The following ANK3 variants were observed in gnomAD, a reference collection of about 807,000 sequenced individuals.
The protein encoded by ANK3 is ankyrin 3, also known as ankyrin-3.
In ANK3, 57 loss-of-function variants were observed where a neutral mutation model predicts 370.9. The observed-to-expected ratio is 0.15, with a 90% CI of 0.12 to 0.19. The LOEUF (loss-of-function observed/expected upper bound fraction) is 0.19. Among genes scored for constraint, ANK3 ranks in the 10% least tolerant of loss-of-function variants. The pLI, the probability that ANK3 is intolerant of heterozygous loss-of-function variation, is 1.00. For synonymous variants in ANK3, 1,929 were observed against 1,946.3 expected, an observed-to-expected ratio of 0.99 and a Z score of 0.23; for missense variants, 4,439 against 5,302.1, an observed-to-expected ratio of 0.84 and a Z score of 5.06.
intron 1 of ANK3, among the ~76,000 whole-genome samples, chr10:60,662,340 A>ATAGTAC (rs2078945482): frequency 6.6e-6 from 1 of 152,200 alleles, no homozygotes; most frequent in Admixed American, 6.5e-5. Context: ...GTACTAAAAA[A>ATAGTAC]TAAAAAAGAC....
chr10:60,036,767 T>C, intron 43 of ANK3, among the ~76,000 whole-genome samples: 1 of 152,108 alleles, frequency 6.6e-6, no homozygotes, highest in Middle Eastern at 3.2e-3. Context: ...GAAATGTTGC[T>C]TTTGAGGACT....
intron 1 of ANK3, among the ~76,000 whole-genome samples, chr10:60,647,708 A>G (rs547307830): frequency 1.3e-5 from 2 of 152,320 alleles, no homozygotes; most frequent in African/African-American, 2.4e-5. Flanking sequence ...CATAGATATC[A>G]GTTGCACAAG....
chr10:60,088,378 A>G lies in ANK3; in HGVS notation c.3329-20T>C, dbSNP rs1392344435. 6.2e-7 allele frequency: 1 copy of G among 1,602,582 alleles called. No individual in the cohort carries two copies. The highest frequency in any genetic ancestry group is 2.2e-5 in the East Asian group (1 of 44,786). ...CAAGTTCTGAAAAGACAAATGAAAG[A>G]AAATGCCATGAGAATAAGCATATCT... On this transcript the variant is annotated intron_variant, in intron 28 of 43. Transcript: ENST00000280772.
chr10:60,531,066 C>T (rs183941027), intron 2 of ANK3, among the ~76,000 whole-genome samples: 198 of 152,200 alleles, frequency 1.3e-3, no homozygotes, highest in African/African-American at 4.6e-3. Flanking sequence ...GTTCAGAAAT[C>T]GATCTCTTCA....
chr10:60,249,134 A>G (rs2097603401), intron 7 of ANK3, among the ~76,000 whole-genome samples: 1 of 152,210 alleles, frequency 6.6e-6, no homozygotes, highest in African/African-American at 2.4e-5. Context: ...AGCCCCTCCC[A>G]GCTAGAAAGA....
chr10:60,438,714 A>G (rs2064219337), intron 2 of ANK3, among the ~76,000 whole-genome samples: 1 of 152,354 alleles, frequency 6.6e-6, no homozygotes, highest in African/African-American at 2.4e-5. Flanking sequence ...GTAATGACAT[A>G]AGGAAGGGAC....
At chr10:60,398,324 C>T (rs2132895366) in intron 2 of ANK3, among the ~76,000 whole-genome samples, 1 of 152,258 alleles carries the variant, frequency 6.6e-6, no homozygotes, top group South Asian at 2.1e-4. Context: ...TTGCTGACTG[C>T]TCTTCTGAGG....
At chr10:60,279,668 G>GA in intron 1 of ANK3, 29 bp from the exon 2 acceptor site, 1 of 1,556,096 alleles carries the variant, frequency 6.4e-7, no homozygotes, top group Non-Finnish European at 8.8e-7. Flanking sequence ...ACATTTTGAT[G>GA]AAAAATGAAG....
intron 2 of ANK3, among the ~76,000 whole-genome samples, chr10:60,609,902 A>C (rs2078179022): frequency 6.6e-6 from 1 of 152,186 alleles, no homozygotes; most frequent in Non-Finnish European, 1.5e-5. Flanking sequence ...ACATATTAGA[A>C]AACAATTATA....
chr10:60,304,340 T>C (rs1326772258), intron 1 of ANK3, among the ~76,000 whole-genome samples: 1 of 152,114 alleles, frequency 6.6e-6, no homozygotes. Context: ...TATTTTACAA[T>C]GTATATGTTA....
intron 1 of ANK3, among the ~76,000 whole-genome samples, chr10:60,679,471 A>G (rs2079166608): frequency 6.6e-6 from 1 of 152,196 alleles, no homozygotes; most frequent in Non-Finnish European, 1.5e-5. Flanking sequence ...GAGTTGAGTG[A>G]GTAGGCTCAA....
chr10:60,302,175 C>A (rs961691685), intron 1 of ANK3, among the ~76,000 whole-genome samples: 2 of 152,052 alleles, frequency 1.3e-5, no homozygotes, highest in Non-Finnish European at 2.9e-5. Context: ...TAATAAATAA[C>A]TTGTTGAATA....
At chr10:60,444,481 G>C (rs1395251385) in intron 2 of ANK3, among the ~76,000 whole-genome samples, 1 of 151,102 alleles carries the variant, frequency 6.6e-6, no homozygotes, top group Non-Finnish European at 1.5e-5. Flanking sequence ...AATGAAAGGA[G>C]ATACAGACTG....
intron 1 of ANK3, among the ~76,000 whole-genome samples, chr10:60,355,755 T>TA (rs1300128994): frequency 6.6e-6 from 1 of 152,210 alleles, no homozygotes; most frequent in African/African-American, 2.4e-5. Context: ...CTCCTTTTCT[T>TA]AATGTGCCTA....
intron 10 of ANK3, 106 bp from the exon 11 acceptor site, chr10:60,205,996 T>C: frequency 1.3e-6 from 1 of 757,816 alleles, no homozygotes; most frequent in East Asian, 2.7e-5. Context: ...TAAATTGAAA[T>C]GAACAGAAAG....
upstream of ANK3, among the ~76,000 whole-genome samples, chr10:60,390,729 A>AAAACACACACAC (rs1491146788): frequency 1.9e-4 from 20 of 107,010 alleles, no homozygotes; most frequent in African/African-American, 6.3e-4. Context: ...TAAAAAAAAG[A>AAAACACACACAC]ACACACACAC....
intron 1 of ANK3, among the ~76,000 whole-genome samples, chr10:60,688,688 C>T (rs907384897): frequency 5.3e-5 from 8 of 152,130 alleles, no homozygotes; most frequent in Non-Finnish European, 1.2e-4. Flanking sequence ...GTGGCACATG[C>T]CTGTAATCCC....
At chr10:60,689,467 A>G (rs2079318018) in intron 1 of ANK3, among the ~76,000 whole-genome samples, 1 of 151,988 alleles carries the variant, frequency 6.6e-6, no homozygotes, top group South Asian at 2.1e-4. Context: ...AAATGAATGA[A>G]CTGGCTGGGT....
intron 1 of ANK3, among the ~76,000 whole-genome samples, chr10:60,345,367 C>G (rs891272327): frequency 6.6e-6 from 1 of 152,072 alleles, no homozygotes; most frequent in African/African-American, 2.4e-5. Context: ...TCTAAATTAT[C>G]TTATCAGTCA....
Sources: gnomAD v4.1 joint callset for allele counts (sites outside exome capture counted in the v4.1 genomes callset) on GRCh38, gnomAD v4.1.1 for gene constraint, MANE v1.5 for transcripts, NCBI Gene and HGNC (gene_info 2026-07-23, HGNC 2026-07-21) for gene names.